RIT2: variants seen among roughly 807,000 people sequenced by gnomAD.
RIT2 encodes GTP-binding protein Rit2.
RIT2 carries 24 observed loss-of-function variants against 23.7 expected under a neutral mutation model. The ratio of observed to expected loss-of-function variants is 1.01; its 90% CI spans 0.73 to 1.43. The LOEUF (loss-of-function observed/expected upper bound fraction) is 1.43, where lower values mean the gene tolerates loss of function less well. Among genes scored for constraint, RIT2 ranks in the 40% most tolerant of loss-of-function variants. RIT2 has a pLI of 0.00. For synonymous variants in RIT2, 107 were observed against 91.1 expected (o/e 1.17, Z -0.99); for missense variants, 236 against 266.9 (o/e 0.88, Z 0.81).
intron 4 of RIT2, among the ~76,000 whole-genome samples, chr18:42,818,923 AAATATT>A (rs34115224): frequency 0.19 from 29,162 of 151,774 alleles, 3,153 homozygotes; most frequent in African/African-American, 0.3. Flanking sequence ...AAAGGTGCAT[AAATATT>A]GAGTCTTTAA....
intron 1 of RIT2, among the ~76,000 whole-genome samples, chr18:43,048,222 CCT>C (rs2144305277): frequency 6.6e-6 from 1 of 152,232 alleles, no homozygotes; most frequent in South Asian, 2.1e-4. Context: ...ATGTCAGGCT[CCT>C]GTTTCTTTTG....
At chr18:42,933,245 G>T (rs1909370811) in intron 3 of RIT2, among the ~76,000 whole-genome samples, 1 of 152,018 alleles carries the variant, frequency 6.6e-6, no homozygotes, top group African/African-American at 2.4e-5. Flanking sequence ...GAATACTAAT[G>T]AGGTACATCA....
intron 4 of RIT2, among the ~76,000 whole-genome samples, chr18:42,835,894 T>G (rs1201712539): frequency 6.6e-6 from 1 of 152,200 alleles, no homozygotes; most frequent in Non-Finnish European, 1.5e-5. Context: ...AATATAAAAT[T>G]GTTTATCTCA....
At chr18:43,029,020 C>T (rs1911795029) in intron 2 of RIT2, among the ~76,000 whole-genome samples, 1 of 152,032 alleles carries the variant, frequency 6.6e-6, no homozygotes, top group African/African-American at 2.4e-5. Context: ...AGCCATTGAG[C>T]ACGAGGCTAT....
intron 3 of RIT2, among the ~76,000 whole-genome samples, chr18:42,924,435 T>C (rs1482289935): frequency 1.3e-5 from 2 of 152,044 alleles, no homozygotes; most frequent in African/African-American, 2.4e-5. Context: ...CTGCTGACTC[T>C]TTCATCTTCT....
intron 4 of RIT2, among the ~76,000 whole-genome samples, chr18:42,866,765 C>T (rs552316986): frequency 3.0e-4 from 45 of 152,094 alleles, no homozygotes; most frequent in African/African-American, 1.1e-3. Flanking sequence ...TAATATTTAA[C>T]CTCAGTATTA....
At chr18:42,885,671 G>T (rs80295694) in intron 4 of RIT2, among the ~76,000 whole-genome samples, 1 of 152,170 alleles carries the variant, frequency 6.6e-6, no homozygotes, top group East Asian at 1.9e-4. Flanking sequence ...TATTAGAGGA[G>T]AGGGTTGGTG....
intron 1 of RIT2, among the ~76,000 whole-genome samples, chr18:43,106,345 A>G (rs1438756614): frequency 6.6e-6 from 1 of 152,236 alleles, no homozygotes; most frequent in Non-Finnish European, 1.5e-5. Flanking sequence ...GTGAACTGGT[A>G]AAGTGTCTAA....
intron 4 of RIT2, among the ~76,000 whole-genome samples, chr18:42,887,866 G>C (rs912788189): frequency 8.5e-5 from 13 of 152,146 alleles, no homozygotes; most frequent in Non-Finnish European, 1.8e-4. Context: ...AGACATGGAA[G>C]AAGCTTAAAT....
chr18:42,759,247 A>G (rs547506497), intron 4 of RIT2, among the ~76,000 whole-genome samples: 1 of 152,232 alleles, frequency 6.6e-6, no homozygotes, highest in Admixed American at 6.5e-5. Context: ...TTCTGTAGGC[A>G]CGCACTTACT....
At chr18:42,977,344 T>G (rs759927552) in intron 2 of RIT2, among the ~76,000 whole-genome samples, 57 of 152,078 alleles carry the variant, frequency 3.7e-4, no homozygotes, top group Non-Finnish European at 7.6e-4. Flanking sequence ...GCAATCTACA[T>G]TTTGTTTTAT....
At chr18:42,991,281 C>T (rs1485950724) in intron 2 of RIT2, among the ~76,000 whole-genome samples, 2 of 152,104 alleles carry the variant, frequency 1.3e-5, no homozygotes, top group African/African-American at 4.8e-5. Flanking sequence ...ATACTGGTGC[C>T]ATGTGTATTT....
intron 4 of RIT2, among the ~76,000 whole-genome samples, chr18:42,852,564 G>C (rs1043301806): frequency 2.0e-5 from 3 of 152,144 alleles, no homozygotes; most frequent in Admixed American, 6.5e-5. Context: ...TTGAGAGACA[G>C]GGAGTAGAGT....
chr18:42,996,795 C>A (rs987739742), intron 2 of RIT2, among the ~76,000 whole-genome samples: 1 of 152,180 alleles, frequency 6.6e-6, no homozygotes, highest in African/African-American at 2.4e-5. Context: ...GGTCTCTTCA[C>A]ATGGATGCGC....
At chr18:42,976,112 T>C (rs1408104074) in intron 2 of RIT2, among the ~76,000 whole-genome samples, 3 of 152,108 alleles carry the variant, frequency 2.0e-5, no homozygotes, top group Non-Finnish European at 4.4e-5. Context: ...TGGTTTCTAG[T>C]TTTATTCCAT....
intron 4 of RIT2, among the ~76,000 whole-genome samples, chr18:42,811,734 T>A (rs1456770551): frequency 6.6e-6 from 1 of 152,114 alleles, no homozygotes; most frequent in Non-Finnish European, 1.5e-5. Flanking sequence ...AATGGAAGGA[T>A]TCGTTTGCAA....
At chr18:42,824,530 C>T (rs1906241783) in intron 4 of RIT2, among the ~76,000 whole-genome samples, 1 of 151,922 alleles carries the variant, frequency 6.6e-6, no homozygotes, top group South Asian at 2.1e-4. Context: ...CTCAAAGATG[C>T]ATAAAATTAT....
chr18:43,046,240 A>G (rs1007016586), intron 1 of RIT2, among the ~76,000 whole-genome samples: 1 of 152,080 alleles, frequency 6.6e-6, no homozygotes, highest in Non-Finnish European at 1.5e-5. Context: ...GTTCAAATGA[A>G]AAAAGATGTG....
At chr18:43,047,935 G>A (rs1293924575) in intron 1 of RIT2, among the ~76,000 whole-genome samples, 2 of 152,284 alleles carry the variant, frequency 1.3e-5, no homozygotes, top group East Asian at 3.9e-4. Context: ...TGGTCAAAGA[G>A]GAGGGCAGCC....
Sources: allele counts gnomAD v4.1 joint callset (sites outside exome capture counted in the v4.1 genomes callset), GRCh38; gene constraint gnomAD v4.1.1; transcripts MANE v1.5; gene names NCBI Gene and HGNC (gene_info 2026-07-23, HGNC 2026-07-21).